The following NFATC1 variants were observed in gnomAD, a reference collection of about 807,000 sequenced individuals.
The protein encoded by NFATC1 is nuclear factor of activated T-cells, cytoplasmic 1.
A neutral mutation model predicts 76.0 loss-of-function variants in NFATC1; 22 were observed. That is an observed-to-expected ratio of 0.29 (90% confidence interval 0.21 to 0.41). NFATC1 has a LOEUF of 0.41. Among genes scored for constraint, NFATC1 ranks in the 10% least tolerant of loss-of-function variants. The probability of loss-of-function intolerance (pLI) is 1.00; values close to 1 mark genes in which losing one functional copy is unlikely to be tolerated. For missense variants in NFATC1, 1,357 were observed against 1,337.7 expected, an observed-to-expected ratio of 1.01 and a Z score of -0.23; for synonymous variants, 704 against 613.1, an observed-to-expected ratio of 1.15 and a Z score of -2.19.
chr18:79,502,318 G>A (rs753455378), intron 9 of NFATC1, among the ~76,000 whole-genome samples: 2 of 152,186 alleles, frequency 1.3e-5, no homozygotes, highest in Non-Finnish European at 2.9e-5. Context: ...CACACACCAC[G>A]CACCGAAAAT....
intron 8 of NFATC1, among the ~76,000 whole-genome samples, chr18:79,477,441 G>C (rs1237460478): frequency 6.6e-6 from 1 of 152,238 alleles, no homozygotes; most frequent in Non-Finnish European, 1.5e-5. Flanking sequence ...AGGCAGCTCA[G>C]CGTTAGATCT....
intron 9 of NFATC1, chr18:79,493,685 C>G (rs2089769384): frequency 6.6e-6 from 1 of 152,182 alleles, no homozygotes; most frequent in Non-Finnish European, 1.5e-5. Context: ...GGCCCGGCGC[C>G]CAGGTCTGAG....
Position 79,528,690 on chromosome 18 carries a change from T to C in NFATC1, c.*1113T>C, listed in dbSNP as rs1297954092. ...TTTGTTCAGTTATAAGATGATTGTT[T>C]CACAGAAGCCTTACCACTCTCTGCT... is the stretch of plus-strand genomic sequence containing the variant. On this transcript the variant is annotated 3_prime_UTR_variant, in exon 10 of 10. Transcript: ENST00000427363. 1 of 152,228 alleles carries C rather than the reference T, an allele frequency of 6.6e-6. No individual in the cohort carries two copies. The highest frequency in any genetic ancestry group is 2.4e-5 in the African/African-American group (1 of 41,458). 9.4% of individuals were successfully genotyped at this position (152,228 alleles called of 1,614,324 possible).
intron 9 of NFATC1, among the ~76,000 whole-genome samples, chr18:79,490,870 A>G (rs1484182151): frequency 6.6e-6 from 1 of 152,140 alleles, no homozygotes; most frequent in Non-Finnish European, 1.5e-5. Context: ...CCCCAGGCTC[A>G]CAAACGCCGT....
At chr18:79,402,816 A>T (rs2596606) in intron 1 of NFATC1, among the ~76,000 whole-genome samples, 1 of 152,176 alleles carries the variant, frequency 6.6e-6, no homozygotes, top group East Asian at 1.9e-4. Context: ...AATGGTGTTA[A>T]TTATTTATAT....
chr18:79,421,159 G>A (rs1242212039), intron 2 of NFATC1: 1 of 152,254 alleles, frequency 6.6e-6, no homozygotes, highest in Non-Finnish European at 1.5e-5. Context: ...TCAGGAACGT[G>A]TTCTGATGTT....
chr18:79,424,779 CTCTCTG>C (rs1025590335), intron 2 of NFATC1, among the ~76,000 whole-genome samples: 1 of 135,918 alleles, frequency 7.4e-6, no homozygotes, highest in African/African-American at 2.6e-5. Context: ...CTCTCTCTGT[CTCTCTG>C]TCTCTGACTC....
At chr18:79,458,379 G>A (rs984671681) in intron 6 of NFATC1, among the ~76,000 whole-genome samples, 6 of 152,072 alleles carry the variant, frequency 3.9e-5, no homozygotes, top group Non-Finnish European at 5.9e-5. Context: ...CGAGGGCACC[G>A]TGGGACCCAG....
At chr18:79,452,543 A>G (rs939176120) in intron 6 of NFATC1, among the ~76,000 whole-genome samples, 2 of 152,028 alleles carry the variant, frequency 1.3e-5, no homozygotes, top group Admixed American at 6.5e-5. Context: ...TTCCATGCAG[A>G]CGCCGGGCCC....
intron 8 of NFATC1, among the ~76,000 whole-genome samples, chr18:79,483,940 GT>G (rs1161180761): frequency 4.2e-5 from 6 of 142,420 alleles, no homozygotes; most frequent in Admixed American, 4.2e-4. Context: ...GCGTGACCTG[GT>G]TCCTGGGGTG....
chr18:79,484,131 C>T (rs1234075688), intron 8 of NFATC1, among the ~76,000 whole-genome samples: 1 of 151,974 alleles, frequency 6.6e-6, no homozygotes, highest in African/African-American at 2.4e-5. Context: ...GGGGGGAGCA[C>T]ACCCGTTCTC....
intron 6 of NFATC1, among the ~76,000 whole-genome samples, chr18:79,455,275 A>G (rs1030169096): frequency 1.3e-5 from 2 of 152,152 alleles, no homozygotes; most frequent in African/African-American, 4.8e-5. Context: ...TCCGTTTGCC[A>G]GCGATCGCGC....
intron 1 of NFATC1, among the ~76,000 whole-genome samples, chr18:79,396,881 G>C (rs1396723682): frequency 6.6e-6 from 1 of 152,000 alleles, no homozygotes. Flanking sequence ...CGTCACGCCG[G>C]CTCCTGGACC....
chr18:79,402,731 T>C (rs2085309815), intron 1 of NFATC1, among the ~76,000 whole-genome samples: 1 of 152,228 alleles, frequency 6.6e-6, no homozygotes, highest in Non-Finnish European at 1.5e-5. Context: ...GTACATATTG[T>C]GTTTTCCCGT....
At chr18:79,495,325 G>A (rs943055683) in intron 9 of NFATC1, among the ~76,000 whole-genome samples, 2 of 152,236 alleles carry the variant, frequency 1.3e-5, no homozygotes, top group Non-Finnish European at 2.9e-5. Context: ...ATTGCCTGAA[G>A]ATATTCACTG....
chr18:79,457,468 C>G (rs1440830209), intron 6 of NFATC1, among the ~76,000 whole-genome samples: 2 of 152,192 alleles, frequency 1.3e-5, no homozygotes, highest in African/African-American at 4.8e-5. Flanking sequence ...CTTCTGGCTC[C>G]CCTCCCTCCT....
chr18:79,470,685 C>T (rs1447537869), intron 8 of NFATC1: 1 of 152,304 alleles, frequency 6.6e-6, no homozygotes, highest in East Asian at 1.9e-4. Context: ...CCAAAGGCAT[C>T]CTCCGATGAC....
chr18:79,412,656 A>G (rs915821487), intron 2 of NFATC1, among the ~76,000 whole-genome samples: 3 of 152,038 alleles, frequency 2.0e-5, no homozygotes, highest in Non-Finnish European at 4.4e-5. Flanking sequence ...TTAGAGCTAC[A>G]AGCAGTAACA....
At chr18:79,408,641 G>A (rs896040066) in intron 1 of NFATC1, among the ~76,000 whole-genome samples, 2 of 152,332 alleles carry the variant, frequency 1.3e-5, no homozygotes, top group South Asian at 2.1e-4. Flanking sequence ...TGTAGCTGGT[G>A]ATTAGGGCAC....
Sources: allele counts gnomAD v4.1 joint callset (sites outside exome capture counted in the v4.1 genomes callset), GRCh38; gene constraint gnomAD v4.1.1; transcripts MANE v1.5; gene names NCBI Gene and HGNC (gene_info 2026-07-23, HGNC 2026-07-21).